NTRK3: variants seen among roughly 807,000 people sequenced by gnomAD.
The protein encoded by NTRK3 is neurotrophic receptor tyrosine kinase 3.
Under a neutral mutation model 91.7 loss-of-function variants are expected in NTRK3, and 24 were observed. That is an observed-to-expected ratio of 0.26 (90% CI 0.19 to 0.37). The LOEUF is 0.37. Among genes scored for constraint, NTRK3 ranks in the 10% least tolerant of loss-of-function variants. NTRK3 has a pLI of 1.00. For missense variants in NTRK3, 880 were observed against 1,068.9 expected, an observed-to-expected ratio of 0.82 and a Z score of 2.46; for synonymous variants, 483 against 404.0, an observed-to-expected ratio of 1.20 and a Z score of -2.34.
At chr15:88,186,480 T>C (rs963956548) in intron 3 of NTRK3, among the ~76,000 whole-genome samples, 1 of 152,102 alleles carries the variant, frequency 6.6e-6, no homozygotes, top group African/African-American at 2.4e-5. Context: ...ACCTCCTCCG[T>C]TGAGTAGGTC....
At chr15:88,159,491 TGG>T (rs1365282056) in intron 5 of NTRK3, among the ~76,000 whole-genome samples, 4 of 152,204 alleles carry the variant, frequency 2.6e-5, no homozygotes, top group Non-Finnish European at 2.9e-5. Flanking sequence ...AGAGGTTCCC[TGG>T]GTGACATTGA....
intron 14 of NTRK3, among the ~76,000 whole-genome samples, chr15:88,009,702 G>A (rs897592092): frequency 2.0e-5 from 3 of 152,154 alleles, no homozygotes; most frequent in African/African-American, 7.2e-5. Context: ...TTGCAGATAT[G>A]ATGTTAAATG....
At chr15:88,118,819 C>T (rs2052390060) in intron 13 of NTRK3, among the ~76,000 whole-genome samples, 1 of 152,116 alleles carries the variant, frequency 6.6e-6, no homozygotes, top group Non-Finnish European at 1.5e-5. Context: ...GGTAAGGTAT[C>T]GCGGGGCTGT....
chr15:88,050,146 G>A (rs550788171), intron 13 of NTRK3, among the ~76,000 whole-genome samples: 2 of 152,164 alleles, frequency 1.3e-5, no homozygotes, highest in South Asian at 4.2e-4. Context: ...AACTTCCAAA[G>A]AGAAGTAAAG....
chr15:88,216,198 G>T (rs950527029), intron 3 of NTRK3, among the ~76,000 whole-genome samples: 5 of 152,172 alleles, frequency 3.3e-5, no homozygotes, highest in African/African-American at 1.2e-4. Context: ...GCTCACTGGG[G>T]CAGGGAGGAC....
intron 3 of NTRK3, among the ~76,000 whole-genome samples, chr15:88,207,977 G>C (rs1358951229): frequency 6.6e-6 from 1 of 152,114 alleles, no homozygotes; most frequent in Non-Finnish European, 1.5e-5. Context: ...AACTTCCTAC[G>C]GTGTGTGGAT....
intron 14 of NTRK3, among the ~76,000 whole-genome samples, chr15:87,966,620 C>T (rs528618475): frequency 7.9e-4 from 120 of 152,212 alleles, no homozygotes; most frequent in Non-Finnish European, 1.5e-3. Context: ...TAGCAGTACA[C>T]GTACCTGCAG....
At chr15:87,948,051 TC>T (rs2070747302) in intron 14 of NTRK3, among the ~76,000 whole-genome samples, 1 of 152,010 alleles carries the variant, frequency 6.6e-6, no homozygotes, top group African/African-American at 2.4e-5. Flanking sequence ...CCTGGCTGGG[TC>T]TCACCTCACG....
intron 13 of NTRK3, among the ~76,000 whole-genome samples, chr15:88,106,170 T>C (rs191603218): frequency 1.1e-3 from 172 of 152,336 alleles, no homozygotes; most frequent in African/African-American, 3.9e-3. Context: ...TGCCCCACAG[T>C]GGATGACCCA....
intron 3 of NTRK3, among the ~76,000 whole-genome samples, chr15:88,197,721 T>A (rs140821673): frequency 4.1e-4 from 63 of 152,350 alleles, no homozygotes; most frequent in African/African-American, 1.0e-3. Flanking sequence ...TCATTCTTCC[T>A]GTCCCCATGT....
chr15:88,020,430 G>A (rs1420973298), intron 14 of NTRK3, among the ~76,000 whole-genome samples: 1 of 152,122 alleles, frequency 6.6e-6, no homozygotes, highest in African/African-American at 2.4e-5. Flanking sequence ...CTTAGAGTTG[G>A]GGGAAAGAAG....
intron 3 of NTRK3, among the ~76,000 whole-genome samples, chr15:88,214,406 G>A (rs866830452): frequency 1.9e-4 from 29 of 152,126 alleles, no homozygotes; most frequent in African/African-American, 6.5e-4. Context: ...CTCTGCGTGT[G>A]GCTGGGTCCA....
chr15:87,893,386 G>C (rs11634388), intron 17 of NTRK3, among the ~76,000 whole-genome samples: 90,122 of 152,036 alleles, frequency 0.59, 28,490 homozygotes, highest in Non-Finnish European at 0.71. Flanking sequence ...GAAGGTGTTC[G>C]AAGTCTAGTG....
At chr15:88,194,791 C>T (rs2047683054) in intron 3 of NTRK3, among the ~76,000 whole-genome samples, 2 of 152,198 alleles carry the variant, frequency 1.3e-5, no homozygotes, top group African/African-American at 2.4e-5. Context: ...AGGATCCTTC[C>T]TCATGTAACA....
intron 13 of NTRK3, among the ~76,000 whole-genome samples, chr15:88,097,014 C>T (rs146532342): frequency 1.4e-3 from 219 of 152,290 alleles, no homozygotes; most frequent in African/African-American, 5.0e-3. Context: ...TCTGGTAGTG[C>T]TTTAGGCTTA....
intron 14 of NTRK3, among the ~76,000 whole-genome samples, chr15:88,020,998 T>C (rs754399878): frequency 1.3e-5 from 2 of 152,184 alleles, no homozygotes; most frequent in African/African-American, 4.8e-5. Flanking sequence ...TAAGATTCCA[T>C]TCCTAAGAGG....
At chr15:88,039,708 C>T (rs2079419283) in intron 13 of NTRK3, among the ~76,000 whole-genome samples, 1 of 152,218 alleles carries the variant, frequency 6.6e-6, no homozygotes, top group Non-Finnish European at 1.5e-5. Context: ...CTCAGCAAGG[C>T]CGTTTTTATA....
intron 14 of NTRK3, among the ~76,000 whole-genome samples, chr15:87,992,656 A>C (rs1009107446): frequency 6.6e-6 from 1 of 152,234 alleles, no homozygotes; most frequent in African/African-American, 2.4e-5. Context: ...TGACCTTCTC[A>C]GCATCCCTAT....
chr15:88,208,886 G>GATTCTAGTGTGCA (rs1555553729), intron 3 of NTRK3, among the ~76,000 whole-genome samples: 1 of 151,772 alleles, frequency 6.6e-6, no homozygotes, highest in African/African-American at 2.4e-5. Context: ...TTCCTTAGGG[G>GATTCTAGTGTGCA]ATCAAGTTAG....
Sources: allele counts gnomAD v4.1 joint callset (sites outside exome capture counted in the v4.1 genomes callset), GRCh38; gene constraint gnomAD v4.1.1; transcripts MANE v1.5; gene names NCBI Gene and HGNC (gene_info 2026-07-23, HGNC 2026-07-21).